WWOX: variants seen among roughly 807,000 people sequenced by gnomAD.
WWOX encodes the protein WW domain containing oxidoreductase.
A neutral mutation model predicts 46.2 loss-of-function variants in WWOX; 69 were observed. The observed-to-expected ratio is 1.49, with a 90% CI of 1.23 to 1.82. The LOEUF is 1.82. Among genes scored for constraint, WWOX ranks in the 40% most tolerant of loss-of-function variants. The probability of loss-of-function intolerance (pLI) is 0.00; values close to 1 mark genes in which losing one functional copy is unlikely to be tolerated. For missense variants in WWOX, 919 were observed against 542.6 expected (o/e 1.69, Z -6.89); for synonymous variants, 359 against 202.6 (o/e 1.77, Z -6.56).
At chr16:78,254,502 G>T (rs375902434) in intron 5 of WWOX, among the ~76,000 whole-genome samples, 274 of 91,528 alleles carry the variant, frequency 3.0e-3, no homozygotes, top group African/African-American at 6.3e-3. Context: ...TTTCTTTCTT[G>T]TTTTTTTTTT....
rs1054627597 is a variant in WWOX at position 78,860,317 on chromosome 16, G to C, written c.1057-351291G>C. Among the ~76,000 whole-genome samples, 9 of 152,178 alleles carry C rather than the reference G, an allele frequency of 5.9e-5. No individual in the cohort carries two copies. In the East Asian group the frequency reaches 1.2e-3, roughly 20 times the overall value. ...ATGAATAGTGGCCTACTTCTGTGAA[G>C]GTAATTGAAGAATTCCCACACTTGG... On this transcript the variant is annotated intron_variant, in intron 8 of 8. Coordinates refer to ENST00000566780, the MANE Select transcript of WWOX (RefSeq NM_016373.4).
In WWOX at chr16:78,650,493, T is replaced by C. The variant is rs550251623; in HGVS notation, c.1056+217741T>C. Among the ~76,000 whole-genome samples the C allele has an allele frequency of 8.6e-4, 131 of 152,292 alleles. 4 individuals are homozygous for C. The South Asian group carries it at 0.026, about 30-fold the overall frequency. On this transcript the variant is annotated intron_variant, in intron 8 of 8. Coordinates refer to ENST00000566780, the MANE Select transcript of WWOX (RefSeq NM_016373.4). The stretch of plus-strand genomic sequence containing the variant: ...AGCCTGCCCATGCAATGCTTGAGAT[T>C]TGCCCTGTGACTCAACCCAAATCTA...
intron 6 of WWOX, among the ~76,000 whole-genome samples, chr16:78,421,004 ACTT>A (rs1470387230): frequency 6.6e-5 from 10 of 151,874 alleles, no homozygotes; most frequent in African/African-American, 2.4e-4. Flanking sequence ...TTATTTATCC[ACTT>A]CTCTGTTGTT....
At chr16:78,658,143 C>G (rs886319964) in intron 8 of WWOX, among the ~76,000 whole-genome samples, 2 of 152,104 alleles carry the variant, frequency 1.3e-5, no homozygotes, top group African/African-American at 2.4e-5. Context: ...CCTCAAGTCT[C>G]AAAATACCAA....
At position 78,205,728 on chromosome 16, in the gene WWOX, G is replaced by A. The variant is rs372310918; in HGVS notation, c.516+41439G>A. ...CTATCCATCCATGCATCCTTCCTTC[G>A]TTGTTTTCTTCCTTCTATCCATCTA... On this transcript the variant is annotated intron_variant, in intron 5 of 8. Coordinates refer to ENST00000566780, the MANE Select transcript of WWOX (RefSeq NM_016373.4). 8.4e-4 allele frequency among the ~76,000 whole-genome samples: 127 copies of A among 151,086 alleles called. 1 individual carries two copies. Among genetic ancestry groups the A allele is most frequent in the African/African-American group, 2.6e-3 (107 of 41,118 alleles).
chr16:78,799,779 A>C (rs1383765955), intron 8 of WWOX, among the ~76,000 whole-genome samples: 1 of 152,232 alleles, frequency 6.6e-6, no homozygotes. Context: ...TTGGGAGAAC[A>C]AATTTATTTA....
chr16:78,766,969 C>T (rs1397628078), intron 8 of WWOX, among the ~76,000 whole-genome samples: 4 of 152,064 alleles, frequency 2.6e-5, no homozygotes, highest in Non-Finnish European at 4.4e-5. Context: ...CTCTGGTAAC[C>T]CCTACTTTAC....
At chr16:78,943,478 C>G (rs148454555) in intron 8 of WWOX, among the ~76,000 whole-genome samples, 94 of 152,314 alleles carry the variant, frequency 6.2e-4, no homozygotes, top group African/African-American at 2.1e-3. Flanking sequence ...CATAAACTTG[C>G]AGAGCAGCTG....
Position 78,972,073 on chromosome 16 carries a change from C to G in WWOX, c.1057-239535C>G, listed in dbSNP as rs184790062. On this transcript the variant is annotated intron_variant, in intron 8 of 8. Transcript: ENST00000566780. ...ACCCTGATCTGCCGGAAGGTCTCCC[C>G]GTATACCCAGCAGCCCAGACCTCTC... Among the ~76,000 whole-genome samples, 18 of 152,252 alleles carry G rather than the reference C, an allele frequency of 1.2e-4. No individual in the cohort carries two copies. The East Asian group carries it at 1.4e-3, about 11-fold the overall frequency.
At chr16:78,737,642 A>T (rs78612313) in intron 8 of WWOX, among the ~76,000 whole-genome samples, 1,611 of 152,162 alleles carry the variant, frequency 0.011, 13 homozygotes, top group Admixed American at 0.026. Flanking sequence ...CTGCCTTTGC[A>T]TCCTCATAGT....
intron 8 of WWOX, among the ~76,000 whole-genome samples, chr16:78,468,080 T>A (rs921736063): frequency 6.6e-6 from 1 of 152,126 alleles, no homozygotes; most frequent in African/African-American, 2.4e-5. Context: ...AAACTGACAT[T>A]TTCTAAGTGT....
At chr16:78,919,513 C>CTTTTTT (rs1425717047) in intron 8 of WWOX, among the ~76,000 whole-genome samples, 1 of 113,816 alleles carries the variant, frequency 8.8e-6, no homozygotes, top group Admixed American at 1.4e-4. Flanking sequence ...TTTCTTTTAT[C>CTTTTTT]TTTTTGTTTT....
At chr16:78,478,287 A>C (rs1236643467) in intron 8 of WWOX, among the ~76,000 whole-genome samples, 1 of 152,200 alleles carries the variant, frequency 6.6e-6, no homozygotes, top group East Asian at 1.9e-4. Flanking sequence ...TTAATGTAGA[A>C]AACAAACACA....
intron 5 of WWOX, among the ~76,000 whole-genome samples, chr16:78,303,800 C>T (rs2080085595): frequency 6.6e-6 from 1 of 152,158 alleles, no homozygotes; most frequent in African/African-American, 2.4e-5. Flanking sequence ...TGGCCTTGGC[C>T]TCCCAAAGTG....
intron 8 of WWOX, among the ~76,000 whole-genome samples, chr16:78,919,944 A>G (rs2045340115): frequency 1.3e-5 from 2 of 152,168 alleles, no homozygotes; most frequent in African/African-American, 4.8e-5. Flanking sequence ...ATCTAGAATA[A>G]TAGACTACCA....
At chr16:79,117,795 C>G (rs189402746) in intron 8 of WWOX, among the ~76,000 whole-genome samples, 1 of 152,340 alleles carries the variant, frequency 6.6e-6, no homozygotes, top group Admixed American at 6.5e-5. Flanking sequence ...CCGACCTCTG[C>G]TAGCTTCCAA....
At chr16:78,232,277 G>C (rs1253691940) in intron 5 of WWOX, among the ~76,000 whole-genome samples, 1 of 152,104 alleles carries the variant, frequency 6.6e-6, no homozygotes, top group Non-Finnish European at 1.5e-5. Flanking sequence ...TCGTCTGTTC[G>C]TTCAATTACA....
chr16:78,617,837 G>C (rs754916661), intron 8 of WWOX, among the ~76,000 whole-genome samples: 5 of 152,126 alleles, frequency 3.3e-5, no homozygotes, highest in Non-Finnish European at 5.9e-5. Context: ...ATGGAATGAA[G>C]GTGTCTTGCT....
intron 8 of WWOX, among the ~76,000 whole-genome samples, chr16:79,197,693 A>T (rs2051267012): frequency 6.6e-6 from 1 of 152,156 alleles, no homozygotes; most frequent in Non-Finnish European, 1.5e-5. Context: ...TGAAAAACAT[A>T]TTGCTTGGTA....
Sources: gnomAD v4.1 joint callset for allele counts (sites outside exome capture counted in the v4.1 genomes callset) on GRCh38, gnomAD v4.1.1 for gene constraint, MANE v1.5 for transcripts, NCBI Gene and HGNC (gene_info 2026-07-23, HGNC 2026-07-21) for gene names.